PPME1: variants seen among roughly 807,000 people sequenced by gnomAD.
PPME1 encodes the protein testicular secretory protein Li 39.
A neutral mutation model predicts 56.9 loss-of-function variants in PPME1; 17 were observed. The ratio of observed to expected loss-of-function variants is 0.30; its 90% CI spans 0.20 to 0.45. PPME1 has a LOEUF of 0.45. Among genes scored for constraint, PPME1 ranks in the 20% least tolerant of loss-of-function variants. The pLI, the probability that PPME1 is intolerant of heterozygous loss-of-function variation, is 1.00. For missense variants in PPME1, 357 were observed against 483.2 expected, an observed-to-expected ratio of 0.74 and a Z score of 2.45; for synonymous variants, 122 against 156.2, an observed-to-expected ratio of 0.78 and a Z score of 1.63.
chr11:74,190,488 G>A (rs1857806167), intron 1 of PPME1, among the ~76,000 whole-genome samples: 1 of 152,190 alleles, frequency 6.6e-6, no homozygotes, highest in Non-Finnish European at 1.5e-5. Flanking sequence ...GCCCTCACCA[G>A]AAACAGATAC....
chr11:74,224,988 G>A (rs138294578), intron 4 of PPME1, among the ~76,000 whole-genome samples: 1 of 152,176 alleles, frequency 6.6e-6, no homozygotes, highest in African/African-American at 2.4e-5. Context: ...TTATGCTGAT[G>A]TATAAGGAAT....
At chr11:74,220,115 A>G (rs996710143) in intron 3 of PPME1, among the ~76,000 whole-genome samples, 3 of 152,298 alleles carry the variant, frequency 2.0e-5, no homozygotes, top group Admixed American at 6.5e-5. Flanking sequence ...GTTTGAGGAT[A>G]TCATATATTT....
chr11:74,196,675 T>C (rs1489138759), intron 1 of PPME1, among the ~76,000 whole-genome samples: 1 of 152,094 alleles, frequency 6.6e-6, no homozygotes, highest in Non-Finnish European at 1.5e-5. Flanking sequence ...AGCTACTCCA[T>C]AGACAGAGTA....
chr11:74,215,568 A>G (rs2135640077), intron 3 of PPME1, among the ~76,000 whole-genome samples: 1 of 152,316 alleles, frequency 6.6e-6, no homozygotes, highest in South Asian at 2.1e-4. Flanking sequence ...ACATACCACC[A>G]GAGAAAATCA....
intron 1 of PPME1, among the ~76,000 whole-genome samples, chr11:74,192,279 T>G (rs1857860708): frequency 6.6e-6 from 1 of 152,226 alleles, no homozygotes; most frequent in Non-Finnish European, 1.5e-5. Flanking sequence ...TTTAGCCAGT[T>G]TCTCCATTTT....
intron 3 of PPME1, among the ~76,000 whole-genome samples, chr11:74,212,061 C>T (rs918343081): frequency 2.0e-5 from 3 of 152,176 alleles, no homozygotes; most frequent in Non-Finnish European, 4.4e-5. Flanking sequence ...ATCACAGTAC[C>T]TAGATTTATC....
At chr11:74,221,141 A>G (rs962490657) in intron 3 of PPME1, among the ~76,000 whole-genome samples, 1 of 152,144 alleles carries the variant, frequency 6.6e-6, no homozygotes. Flanking sequence ...ATTGCTTTCA[A>G]GTTAAAGGTT....
chr11:74,230,314 C>T lies in PPME1; in HGVS notation c.468C>T (p.Ser156=). ...LPPPIMLIGH[S]MGGAIAVHTA... The stretch of plus-strand genomic sequence containing the variant: ...CTCCAATTATGCTGATTGGACATAG[C>T]ATGGGTGGTGCTATTGCAGTCCACA... The change falls in exon 6 of 14, where the codon AGC becomes AGT. Residue 156 remains serine, a synonymous_variant. Transcript: ENST00000328257. The surrounding 1 kb of genome is among the most constrained non-coding windows in gnomAD (Gnocchi z 4.9). The T allele has an allele frequency of 6.2e-7, 1 of 1,613,776 alleles. No individual in the cohort carries two copies. Among genetic ancestry groups the T allele is most frequent in the Non-Finnish European group, 8.5e-7 (1 of 1,179,740 alleles).
chr11:74,191,013 C>T (rs1001151556), intron 1 of PPME1, among the ~76,000 whole-genome samples: 1 of 152,198 alleles, frequency 6.6e-6, no homozygotes, highest in Non-Finnish European at 1.5e-5. Flanking sequence ...CAAGAGGTGA[C>T]CTGGCTGCTT....
At chr11:74,246,606 T>C (rs985159360) in intron 10 of PPME1, among the ~76,000 whole-genome samples, 1 of 152,216 alleles carries the variant, frequency 6.6e-6, no homozygotes, top group Admixed American at 6.5e-5. Flanking sequence ...TGTTGGTATA[T>C]TGTCATCTCA....
intron 13 of PPME1, chr11:74,252,641 T>G (rs1859732488): frequency 4.8e-6 from 2 of 413,864 alleles, no homozygotes; most frequent in African/African-American, 4.1e-5. Context: ...TGTAGGATGC[T>G]TAGCAGTATC....
intron 5 of PPME1, among the ~76,000 whole-genome samples, chr11:74,227,887 G>A (rs1300646654): frequency 6.6e-6 from 1 of 152,000 alleles, no homozygotes; most frequent in African/African-American, 2.4e-5. Flanking sequence ...CCTTTCTTAA[G>A]CTCAGACACG....
intron 8 of PPME1, 137 bp downstream of exon 8, chr11:74,236,103 G>C: frequency 7.4e-7 from 1 of 1,357,098 alleles, no homozygotes; most frequent in Non-Finnish European, 9.8e-7. Flanking sequence ...TTAAAGGTGA[G>C]TTCAGTTGGG....
intron 3 of PPME1, among the ~76,000 whole-genome samples, chr11:74,215,008 A>G (rs7947458): frequency 0.1 from 15,888 of 152,242 alleles, 2,174 homozygotes; most frequent in African/African-American, 0.32. Context: ...AACTATGACA[A>G]CTTTTCAAGA....
intron 9 of PPME1, among the ~76,000 whole-genome samples, chr11:74,242,824 A>G (rs1394109901): frequency 7.2e-6 from 1 of 139,124 alleles, no homozygotes; most frequent in Non-Finnish European, 1.5e-5. Context: ...GGTTGCAGTG[A>G]GCCGAGATTG....
intron 3 of PPME1, among the ~76,000 whole-genome samples, chr11:74,212,823 G>A (rs1430471318): frequency 6.6e-6 from 1 of 152,030 alleles, no homozygotes; most frequent in Non-Finnish European, 1.5e-5. Flanking sequence ...AGAGCCTTTG[G>A]GTCCTGAATA....
At chr11:74,239,835 C>T (rs1321339036) in intron 9 of PPME1, among the ~76,000 whole-genome samples, 6 of 152,096 alleles carry the variant, frequency 3.9e-5, no homozygotes. Flanking sequence ...CCGCCTTGGC[C>T]TCCCAAAGTG....
intron 1 of PPME1, among the ~76,000 whole-genome samples, chr11:74,196,792 CTTAA>C (rs1487257621): frequency 1.3e-5 from 2 of 152,104 alleles, no homozygotes; most frequent in Admixed American, 6.6e-5. Flanking sequence ...GGATTAATTT[CTTAA>C]TTAACTATTT....
At chr11:74,239,963 T>A (rs1210583243) in intron 9 of PPME1, among the ~76,000 whole-genome samples, 2 of 150,794 alleles carry the variant, frequency 1.3e-5, no homozygotes, top group Non-Finnish European at 3.0e-5. Flanking sequence ...TTTCCATTTT[T>A]TTTTTTTTTT....
Sources: allele counts gnomAD v4.1 joint callset (sites outside exome capture counted in the v4.1 genomes callset), GRCh38; gene constraint gnomAD v4.1.1; non-coding constraint Gnocchi (gnomAD v3.1); transcripts MANE v1.5; gene names NCBI Gene and HGNC (gene_info 2026-07-23, HGNC 2026-07-21).